Variants in NRG1 observed in about 807,000 individuals in gnomAD.
NRG1 encodes the protein neuregulin 1.
In NRG1, 18 loss-of-function variants were observed where a neutral mutation model predicts 63.8. The ratio of observed to expected loss-of-function variants is 0.28; its 90% CI spans 0.19 to 0.42. The LOEUF (loss-of-function observed/expected upper bound fraction) is 0.42. Ranked by LOEUF, NRG1 falls within the 10% of genes least tolerant of loss-of-function variation. The probability of loss-of-function intolerance (pLI) is 1.00; values close to 1 mark genes in which losing one functional copy is unlikely to be tolerated. For synonymous variants in NRG1, 302 were observed against 301.3 expected, an observed-to-expected ratio of 1.00 and a Z score of -0.02; for missense variants, 762 against 814.7, an observed-to-expected ratio of 0.94 and a Z score of 0.79.
chr8:32,771,109 T>A (rs1251135021), downstream of NRG1, among the ~76,000 whole-genome samples: 3 of 151,992 alleles, frequency 2.0e-5, no homozygotes, highest in Non-Finnish European at 1.5e-5. Context: ...CTTTAGGTTT[T>A]GGTTTTGGTT....
chr8:32,697,722 C>T (rs1813728461), intron 5 of NRG1, among the ~76,000 whole-genome samples: 1 of 152,200 alleles, frequency 6.6e-6, no homozygotes, highest in African/African-American at 2.4e-5. Flanking sequence ...ATGGTGATCA[C>T]TTCAAATTGA....
At chr8:32,737,662 T>C (rs1319730593) in intron 6 of NRG1, among the ~76,000 whole-genome samples, 1 of 151,066 alleles carries the variant, frequency 6.6e-6, no homozygotes, top group East Asian at 1.9e-4. Flanking sequence ...CAATTAACTG[T>C]ATGACAATCT....
At chr8:31,728,315 T>C (rs938098656) in intron 1 of NRG1, among the ~76,000 whole-genome samples, 1 of 151,888 alleles carries the variant, frequency 6.6e-6, no homozygotes, top group Non-Finnish European at 1.5e-5. Context: ...AATACAAAAA[T>C]TGGCTGGGTG....
rs571345616 is a variant in NRG1 at position 32,657,444 on chromosome 8, G to A, written c.502+40559G>A. The stretch of plus-strand genomic sequence containing the variant: ...CCTGCTCTGAAGCCAGTGTCCTAAA[G>A]CATCAGAGGTTATAGAGTAGATGGC... On this transcript the variant is annotated intron_variant, in intron 5 of 11. Coordinates refer to ENST00000356819, the Ensembl canonical transcript of NRG1. 3.9e-5 allele frequency among the ~76,000 whole-genome samples: 6 copies of A among 152,146 alleles called. No homozygotes were observed. The South Asian group carries it at 1.2e-3, about 32-fold the overall frequency.
chr8:32,258,358 G>A (rs542471871), intron 1 of NRG1, among the ~76,000 whole-genome samples: 2 of 152,334 alleles, frequency 1.3e-5, no homozygotes, highest in South Asian at 4.1e-4. Flanking sequence ...ATATGACAGA[G>A]ATCATTTCAT....
rs547564116 is a variant in NRG1, at chr8:31,775,755, T to C, written c.37+136324T>C. On this transcript the variant is annotated intron_variant, in intron 1 of 10. Transcript: ENST00000519301. ...AAAATTAGCTGGGCATGATGGTGGG[T>C]GCCTGTAGTCCCAGCTACTCGGGAG... 5.3e-5 allele frequency among the ~76,000 whole-genome samples: 8 copies of C among 151,680 alleles called. No individual in the cohort carries two copies. In the South Asian group the frequency reaches 1.7e-3, roughly 32 times the overall value.
At chr8:31,875,906 C>A (rs1411880715) in intron 1 of NRG1, among the ~76,000 whole-genome samples, 2 of 152,076 alleles carry the variant, frequency 1.3e-5, no homozygotes, top group Non-Finnish European at 2.9e-5. Context: ...CCGGGAGAAG[C>A]AGATGGCTGC....
At chr8:32,524,253 G>A in intron 1 of NRG1, among the ~76,000 whole-genome samples, 1 of 152,094 alleles carries the variant, frequency 6.6e-6, no homozygotes, top group East Asian at 1.9e-4. Context: ...CTAGATACAA[G>A]CAAGCCTCTT....
chr8:31,749,443 A>C (rs1365901297), intron 1 of NRG1, among the ~76,000 whole-genome samples: 1 of 151,902 alleles, frequency 6.6e-6, no homozygotes, highest in Non-Finnish European at 1.5e-5. Flanking sequence ...TAAGCAGCAC[A>C]AGAAAATATA....
At chr8:32,243,673 T>G in intron 1 of NRG1, among the ~76,000 whole-genome samples, 1 of 152,108 alleles carries the variant, frequency 6.6e-6, no homozygotes, top group East Asian at 1.9e-4. Flanking sequence ...TGGACTAAAC[T>G]TTTGTATGCC....
chr8:31,761,185 A>G (rs1817511448), intron 1 of NRG1, among the ~76,000 whole-genome samples: 1 of 152,184 alleles, frequency 6.6e-6, no homozygotes, highest in Admixed American at 6.5e-5. Context: ...CATTATTCTC[A>G]GTAAACTATC....
intron 1 of NRG1, among the ~76,000 whole-genome samples, chr8:31,839,876 A>G (rs1162881906): frequency 6.6e-6 from 1 of 152,114 alleles, no homozygotes; most frequent in African/African-American, 2.4e-5. Flanking sequence ...GTGAAATCGC[A>G]GGGACAGGAT....
chr8:32,083,449 G>C (rs903199842), intron 1 of NRG1, among the ~76,000 whole-genome samples: 2 of 152,104 alleles, frequency 1.3e-5, no homozygotes, highest in African/African-American at 2.4e-5. Context: ...CAATACAATA[G>C]GTAAAATGAA....
intron 1 of NRG1, among the ~76,000 whole-genome samples, chr8:32,170,795 G>C (rs1392236214): frequency 6.6e-6 from 1 of 152,174 alleles, no homozygotes; most frequent in Non-Finnish European, 1.5e-5. Context: ...CAATCCACCG[G>C]TGGCTTCTAG....
intron 4 of NRG1, among the ~76,000 whole-genome samples, chr8:32,616,514 G>C (rs1431587805): frequency 1.3e-5 from 2 of 152,210 alleles, no homozygotes; most frequent in East Asian, 3.9e-4. Context: ...CTGAAAGAAG[G>C]AATTTTCTTT....
At chr8:32,146,151 C>G (rs1456819993) in intron 1 of NRG1, among the ~76,000 whole-genome samples, 2 of 152,132 alleles carry the variant, frequency 1.3e-5, no homozygotes, top group Admixed American at 6.5e-5. Flanking sequence ...ATGTTTTTTA[C>G]CGGCACATTT....
chr8:32,370,847 G>A (rs1476444704), intron 1 of NRG1, among the ~76,000 whole-genome samples: 2 of 97,754 alleles, frequency 2.0e-5, no homozygotes, highest in Non-Finnish European at 3.6e-5. Flanking sequence ...GACAGAGTGA[G>A]ACTCTGTCTC....
intron 6 of NRG1, among the ~76,000 whole-genome samples, chr8:32,729,130 G>A (rs566568153): frequency 4.6e-5 from 7 of 152,074 alleles, no homozygotes; most frequent in African/African-American, 7.2e-5. Flanking sequence ...AACAGGCAGC[G>A]TAAGATAGTG....
intron 1 of NRG1, among the ~76,000 whole-genome samples, chr8:32,086,073 G>T (rs557908102): frequency 6.6e-6 from 1 of 152,270 alleles, no homozygotes; most frequent in African/African-American, 2.4e-5. Flanking sequence ...AGTCACAAGG[G>T]TTCTGTGAAG....
Sources: allele counts gnomAD v4.1 joint callset (sites outside exome capture counted in the v4.1 genomes callset), GRCh38; gene constraint gnomAD v4.1.1; transcripts MANE v1.5; gene names NCBI Gene and HGNC (gene_info 2026-07-23, HGNC 2026-07-21).